The following EPHA5 variants were observed in gnomAD, a reference collection of about 807,000 sequenced individuals.
EPHA5 encodes the protein ephrin type-A receptor 5.
In EPHA5, 60 loss-of-function variants were observed where a neutral mutation model predicts 105.0. That is an observed-to-expected ratio of 0.57 (90% CI 0.46 to 0.71). The LOEUF is 0.71. EPHA5 is among the 30% of genes least tolerant of loss of function. The pLI is 0.00. For missense variants in EPHA5, 1,218 were observed against 1,274.7 expected (o/e 0.96, Z 0.68); for synonymous variants, 513 against 449.1 (o/e 1.14, Z -1.80).
intron 3 of EPHA5, among the ~76,000 whole-genome samples, chr4:65,517,924 A>C (rs1330502600): frequency 1.3e-5 from 2 of 151,974 alleles, no homozygotes; most frequent in African/African-American, 2.4e-5. Flanking sequence ...ACATCTACTA[A>C]ATTTACATTA....
intron 3 of EPHA5, among the ~76,000 whole-genome samples, chr4:65,526,196 A>G (rs1310377950): frequency 6.6e-6 from 1 of 151,930 alleles, no homozygotes; most frequent in Non-Finnish European, 1.5e-5. Context: ...TATTGATACT[A>G]CATGGATATA....
intron 5 of EPHA5, among the ~76,000 whole-genome samples, chr4:65,442,219 G>T (rs1243365993): frequency 6.6e-6 from 1 of 152,020 alleles, no homozygotes; most frequent in East Asian, 1.9e-4. Context: ...AGGTAATGAG[G>T]CTTCAGTGAG....
In EPHA5 at chr4:65,669,573, G is replaced by A. The variant is rs1750275676; in HGVS notation, c.170C>T (p.Pro57Leu). The A allele has an allele frequency of 7.1e-7, 1 of 1,408,584 alleles. No homozygotes were observed. Among genetic ancestry groups the A allele is most frequent in the Non-Finnish European group, 9.3e-7 (1 of 1,075,796 alleles). 87.3% of individuals were successfully genotyped at this position (1,408,584 alleles called of 1,614,324 possible). Residue 57 changes from proline to leucine, a missense_variant, in exon 1 of 17, where the codon CCC (proline) becomes CTC (leucine). Around this residue, in one of 3 missense-constraint regions of EPHA5, gnomAD observed 233 missense variants for 227.5 expected, o/e 1.02. Transcript: ENST00000613740. Reference protein sequence around the residue: ...CAALRTLLASPSNEVNLLDSR... With the variant: ...CAALRTLLASLSNEVNLLDSR... The stretch of plus-strand genomic sequence containing the variant: ...CCCCATCTCCCTACCTTCGTTGCTG[G>A]GGCTGGCCAGGAGGGTCCGGAGTGC...
intron 11 of EPHA5, among the ~76,000 whole-genome samples, chr4:65,357,130 A>G (rs1205378769): frequency 1.3e-5 from 2 of 151,472 alleles, no homozygotes; most frequent in African/African-American, 4.8e-5. Context: ...ATTATTGATA[A>G]CCATAAAAGA....
chr4:65,504,365 A>ATAT (rs1560617383), intron 3 of EPHA5, among the ~76,000 whole-genome samples: 1 of 147,238 alleles, frequency 6.8e-6, no homozygotes, highest in Non-Finnish European at 1.5e-5. Context: ...TATATTGAAA[A>ATAT]ATATATATAT....
intron 8 of EPHA5, among the ~76,000 whole-genome samples, chr4:65,374,847 G>T (rs1030619424): frequency 3.3e-5 from 5 of 151,812 alleles, no homozygotes; most frequent in Admixed American, 6.6e-5. Context: ...TATTGACATG[G>T]TGATTGGAAA....
chr4:65,654,783 T>C (rs1320816252), intron 1 of EPHA5, among the ~76,000 whole-genome samples: 1 of 147,308 alleles, frequency 6.8e-6, no homozygotes, highest in Non-Finnish European at 1.5e-5. Context: ...TTAGATAGTT[T>C]CATTCTGTTA....
At chr4:65,643,449 A>T (rs372281210) in intron 1 of EPHA5, 22 bp from the exon 2 acceptor site, 134 of 1,594,048 alleles carry the variant, frequency 8.4e-5, no homozygotes, top group African/African-American at 3.5e-4. Context: ...AGAACAAAAA[A>T]CTCAGTGAAA....
intron 5 of EPHA5, among the ~76,000 whole-genome samples, chr4:65,461,045 A>G (rs1479428666): frequency 6.6e-6 from 1 of 151,888 alleles, no homozygotes; most frequent in Non-Finnish European, 1.5e-5. Flanking sequence ...CCACATGATC[A>G]CTACACTTTC....
intron 3 of EPHA5, among the ~76,000 whole-genome samples, chr4:65,514,783 T>G (rs1733944694): frequency 6.6e-6 from 1 of 152,066 alleles, no homozygotes; most frequent in African/African-American, 2.4e-5. Flanking sequence ...TCCTTGATGC[T>G]CCCCTTCACT....
chr4:65,580,130 C>T (rs924239187), intron 3 of EPHA5, among the ~76,000 whole-genome samples: 1 of 151,556 alleles, frequency 6.6e-6, no homozygotes, highest in Non-Finnish European at 1.5e-5. Context: ...AATGTTTAGT[C>T]ACTTTTTGAA....
intron 5 of EPHA5, among the ~76,000 whole-genome samples, chr4:65,473,949 A>T (rs1729537674): frequency 6.7e-6 from 1 of 150,176 alleles, no homozygotes; most frequent in African/African-American, 2.5e-5. Flanking sequence ...AGGATTAAGT[A>T]CATGTATAAG....
At chr4:65,607,701 T>G (rs2149451199) in intron 2 of EPHA5, among the ~76,000 whole-genome samples, 1 of 152,260 alleles carries the variant, frequency 6.6e-6, no homozygotes, top group Non-Finnish European at 1.5e-5. Context: ...GGAGAGGGTG[T>G]GGAGAAATAG....
At chr4:65,569,727 A>G (rs1271125454) in intron 3 of EPHA5, among the ~76,000 whole-genome samples, 1 of 151,780 alleles carries the variant, frequency 6.6e-6, no homozygotes, top group African/African-American at 2.4e-5. Flanking sequence ...GAAAAATTTT[A>G]AAGTTCTTAT....
In EPHA5 at chr4:65,322,298, G is replaced by A. The variant is rs753477341; in HGVS notation, c.*1816C>T. The A allele has an allele frequency of 4.5e-6, 1 of 223,756 alleles. No individual in the cohort carries two copies. Among genetic ancestry groups the A allele is most frequent in the Non-Finnish European group, 8.9e-6 (1 of 112,068 alleles). The allele number at this position is 223,756 out of a possible 1,614,324, so 13.9% of individuals were successfully genotyped here. A position where few individuals can be genotyped will look rare whatever the true frequency, so the allele number is the denominator to read the frequency against. ...TAAAGGGTGGGCAGAATAGGAAGTA[G>A]TTATTTCCCAAAAGTTTATTCTTAT... On this transcript the variant is annotated 3_prime_UTR_variant, in exon 17 of 17. Coordinates refer to ENST00000613740, the MANE Select transcript of EPHA5 (RefSeq NM_001281766.3).
At chr4:65,538,354 T>C (rs1428743546) in intron 3 of EPHA5, among the ~76,000 whole-genome samples, 1 of 151,774 alleles carries the variant, frequency 6.6e-6, no homozygotes, top group Non-Finnish European at 1.5e-5. Flanking sequence ...CAAAAATTGA[T>C]TATGTTAAAT....
At chr4:65,382,820 G>T (rs973729539) in intron 8 of EPHA5, among the ~76,000 whole-genome samples, 2 of 151,628 alleles carry the variant, frequency 1.3e-5, no homozygotes, top group African/African-American at 4.8e-5. Context: ...ACTGATCCAA[G>T]AGATACTCAA....
chr4:65,383,157 A>C (rs907942388), intron 8 of EPHA5, among the ~76,000 whole-genome samples: 5 of 150,318 alleles, frequency 3.3e-5, no homozygotes, highest in Non-Finnish European at 7.4e-5. Flanking sequence ...TTCAATAATG[A>C]TGTATATATA....
intron 5 of EPHA5, among the ~76,000 whole-genome samples, chr4:65,475,008 T>G (rs1303936960): frequency 6.6e-6 from 1 of 152,150 alleles, no homozygotes; most frequent in Non-Finnish European, 1.5e-5. Flanking sequence ...GAGTAAATGC[T>G]TTCACAGATG....
Sources: allele counts gnomAD v4.1 joint callset (sites outside exome capture counted in the v4.1 genomes callset), GRCh38; gene constraint gnomAD v4.1.1; regional missense constraint gnomAD v4.1.1; transcripts MANE v1.5; gene names NCBI Gene and HGNC (gene_info 2026-07-23, HGNC 2026-07-21).